The following UTRN variants were observed in gnomAD, a reference collection of about 807,000 sequenced individuals.
UTRN encodes utrophin.
In UTRN, 283 loss-of-function variants were observed where a neutral mutation model predicts 463.9. The observed-to-expected ratio is 0.61, with a 90% CI of 0.55 to 0.67. The LOEUF is 0.67. UTRN is among the 30% of genes least tolerant of loss of function. The pLI is 0.00. For missense variants in UTRN, 3,922 were observed against 4,084.3 expected (o/e 0.96, Z 1.08); for synonymous variants, 1,442 against 1,431.5 (o/e 1.01, Z -0.17).
At chr6:144,774,204 C>A (rs1775103543) in intron 59 of UTRN, 86 bp from the exon 60 acceptor site, 1 of 1,255,016 alleles carries the variant, frequency 8.0e-7, no homozygotes, top group African/African-American at 1.6e-5. Context: ...ATTTTTTCAT[C>A]ATCCAAAGTA....
chr6:144,488,337 A>T (rs188113974), intron 29 of UTRN, among the ~76,000 whole-genome samples: 1 of 152,282 alleles, frequency 6.6e-6, no homozygotes, highest in East Asian at 1.9e-4. Context: ...TTATATTCTT[A>T]ATTGGCAGAC....
chr6:144,496,644 A>G (rs1480327677), intron 33 of UTRN, among the ~76,000 whole-genome samples: 1 of 152,248 alleles, frequency 6.6e-6, no homozygotes, highest in African/African-American at 2.4e-5. Context: ...GAGGAAAGAT[A>G]TAAATTATCT....
rs1785056415 is a variant in UTRN, at chr6:144,706,072, C to T, written c.7809+5829C>T. 2.0e-5 allele frequency among the ~76,000 whole-genome samples: 3 copies of T among 152,068 alleles called. No homozygotes were observed. The South Asian group carries it at 6.2e-4, about 32-fold the overall frequency. The stretch of plus-strand genomic sequence containing the variant: ...TAGTCTAAGCATAGTTTAACCTTAG[C>T]CTTGCATCCAAGAATTCCCTTCCTA... On this transcript the variant is annotated intron_variant, in intron 53 of 74. Coordinates refer to ENST00000367545, the MANE Select transcript of UTRN (RefSeq NM_007124.3).
chr6:144,353,832 G>A (rs989207869), intron 2 of UTRN, among the ~76,000 whole-genome samples: 3 of 150,710 alleles, frequency 2.0e-5, no homozygotes, highest in African/African-American at 7.5e-5. Flanking sequence ...GGGCAACAGA[G>A]CGAGACTGTC....
At chr6:144,791,574 A>C (rs1412783287) in intron 62 of UTRN, among the ~76,000 whole-genome samples, 2 of 152,184 alleles carry the variant, frequency 1.3e-5, no homozygotes, top group South Asian at 2.1e-4. Flanking sequence ...ACCTTAAAAA[A>C]AAAAAAAAAG....
At chr6:144,563,223 A>G (rs2128618531) in intron 50 of UTRN, among the ~76,000 whole-genome samples, 1 of 152,304 alleles carries the variant, frequency 6.6e-6, no homozygotes, top group East Asian at 1.9e-4. Flanking sequence ...ACTATTCTGA[A>G]AACAGGTTAA....
At chr6:144,707,164 A>G (rs1785178383) in intron 53 of UTRN, 3 of 152,240 alleles carry the variant, frequency 2.0e-5, no homozygotes, top group Admixed American at 6.5e-5. Flanking sequence ...GAGAGAAATT[A>G]ATACAAAAGA....
chr6:144,307,158 A>G (rs1192356878), intron 2 of UTRN, among the ~76,000 whole-genome samples: 1 of 152,186 alleles, frequency 6.6e-6, no homozygotes, highest in East Asian at 1.9e-4. Context: ...TCTGGATGGT[A>G]GATGACGGCA....
At chr6:144,824,610 A>ATC (rs1779972421) in intron 66 of UTRN, among the ~76,000 whole-genome samples, 5 of 43,614 alleles carry the variant, frequency 1.1e-4, no homozygotes, top group Non-Finnish European at 1.9e-4. Context: ...ATATATATAT[A>ATC]TATCTTTTTT....
intron 51 of UTRN, among the ~76,000 whole-genome samples, chr6:144,641,703 A>G (rs866618688): frequency 6.6e-6 from 1 of 152,232 alleles, no homozygotes; most frequent in Non-Finnish European, 1.5e-5. Flanking sequence ...CCATGCTTAT[A>G]TTAAGTAGAT....
chr6:144,808,263 A>T (rs2128749058), intron 65 of UTRN, among the ~76,000 whole-genome samples: 1 of 140,272 alleles, frequency 7.1e-6, no homozygotes, highest in Admixed American at 7.2e-5. Context: ...TAAGCTTATG[A>T]ATCAAGAGAG....
chr6:144,338,212 T>A (rs1055696420), intron 2 of UTRN, among the ~76,000 whole-genome samples: 1 of 152,190 alleles, frequency 6.6e-6, no homozygotes, highest in African/African-American at 2.4e-5. Context: ...ATAATGAGTA[T>A]TTTTAGACAT....
intron 41 of UTRN, among the ~76,000 whole-genome samples, chr6:144,530,597 A>G (rs534382392): frequency 7.2e-5 from 11 of 152,306 alleles, no homozygotes; most frequent in Middle Eastern, 6.8e-3. Context: ...ATAATGAATC[A>G]TATTTTATAT....
chr6:144,348,277 A>T (rs1472647258), intron 2 of UTRN, among the ~76,000 whole-genome samples: 2 of 152,300 alleles, frequency 1.3e-5, no homozygotes, highest in Non-Finnish European at 2.9e-5. Context: ...ATGGGGATAT[A>T]AAAATGAAGG....
At chr6:144,405,481 A>G (rs946286927) in intron 3 of UTRN, among the ~76,000 whole-genome samples, 4 of 152,182 alleles carry the variant, frequency 2.6e-5, no homozygotes, top group Non-Finnish European at 5.9e-5. Flanking sequence ...GCGAGGATAG[A>G]ACAAGAAAAA....
chr6:144,561,455 A>G (rs1799916090), intron 50 of UTRN, among the ~76,000 whole-genome samples: 1 of 151,744 alleles, frequency 6.6e-6, no homozygotes, highest in Non-Finnish European at 1.5e-5. Flanking sequence ...TCTACACTGA[A>G]GTATTGTAAA....
intron 2 of UTRN, among the ~76,000 whole-genome samples, chr6:144,364,601 C>G (rs73780544): frequency 0.13 from 20,356 of 152,142 alleles, 4,098 homozygotes; most frequent in African/African-American, 0.43. Flanking sequence ...CAGATGAGTC[C>G]GTGTATTTGT....
intron 3 of UTRN, among the ~76,000 whole-genome samples, chr6:144,415,323 G>A (rs1784273814): frequency 6.6e-6 from 1 of 152,136 alleles, no homozygotes; most frequent in South Asian, 2.1e-4. Flanking sequence ...GTCAAGAGCT[G>A]CTTTCACCAG....
At chr6:144,598,228 T>C (rs1004909813) in intron 51 of UTRN, among the ~76,000 whole-genome samples, 3 of 152,036 alleles carry the variant, frequency 2.0e-5, no homozygotes, top group African/African-American at 4.8e-5. Context: ...AGGGAGAAAA[T>C]AGACGTCCAT....
Sources: allele counts gnomAD v4.1 joint callset (sites outside exome capture counted in the v4.1 genomes callset), GRCh38; gene constraint gnomAD v4.1.1; transcripts MANE v1.5; gene names NCBI Gene and HGNC (gene_info 2026-07-23, HGNC 2026-07-21).